CUX2: variants seen among roughly 807,000 people sequenced by gnomAD.
CUX2 encodes cut like homeobox 2, also known as homeobox protein cut-like 2.
A neutral mutation model predicts 144.8 loss-of-function variants in CUX2; 40 were observed. That is an observed-to-expected ratio of 0.28 (90% confidence interval 0.21 to 0.36). CUX2 has a LOEUF of 0.36. CUX2 is among the 10% of genes least tolerant of loss of function. The pLI is 1.00. For missense variants in CUX2, 1,615 were observed against 1,994.0 expected (o/e 0.81, Z 3.62); for synonymous variants, 827 against 875.6 (o/e 0.94, Z 0.98).
chr12:111,334,777 G>T, intron 19 of CUX2, 67 bp downstream of exon 19: 1 of 1,506,496 alleles, frequency 6.6e-7, no homozygotes, highest in South Asian at 1.3e-5. Flanking sequence ...GCCTTGAAAA[G>T]GTGTCTGGAG....
At chr12:111,278,931 C>G (rs914178784) in intron 4 of CUX2, among the ~76,000 whole-genome samples, 1 of 152,182 alleles carries the variant, frequency 6.6e-6, no homozygotes, top group African/African-American at 2.4e-5. Context: ...ATTTTTTCCT[C>G]CCTACCCCAG....
At chr12:111,152,012 C>T (rs1020104369) in intron 1 of CUX2, among the ~76,000 whole-genome samples, 7 of 152,164 alleles carry the variant, frequency 4.6e-5, no homozygotes, top group East Asian at 3.9e-4. Flanking sequence ...AAGGCCGGTG[C>T]GATGGCTCAC....
chr12:111,304,082 G>C lies in CUX2; in HGVS notation c.754-128G>C, dbSNP rs1886455008. 2 of 683,526 alleles carry C rather than the reference G, an allele frequency of 2.9e-6. No homozygotes were observed. Among genetic ancestry groups the C allele is most frequent in the Non-Finnish European group, 2.6e-6 (1 of 388,760 alleles). 42.3% of individuals were successfully genotyped at this position (683,526 alleles called of 1,614,324 possible). On this transcript the variant is annotated intron_variant, in intron 9 of 21. Coordinates refer to ENST00000261726, the MANE Select transcript of CUX2 (RefSeq NM_015267.4). The surrounding 1 kb of genome is among the most constrained non-coding windows in gnomAD (Gnocchi z 4.7). Reference sequence around the variant, plus strand: ...CTTCATAGCTCCAGGACAGGGTCCGGGACTAGGAAGGCAGGACCTGAGGCC... The same window carrying C: ...CTTCATAGCTCCAGGACAGGGTCCGCGACTAGGAAGGCAGGACCTGAGGCC...
intron 1 of CUX2, among the ~76,000 whole-genome samples, chr12:111,201,834 A>C (rs1394001150): frequency 6.6e-6 from 1 of 152,222 alleles, no homozygotes; most frequent in Non-Finnish European, 1.5e-5. Flanking sequence ...AAAGTGGCAG[A>C]CTTCAGAGAG....
chr12:111,123,123 A>C (rs1874795345), intron 1 of CUX2, among the ~76,000 whole-genome samples: 1 of 152,206 alleles, frequency 6.6e-6, no homozygotes, highest in African/African-American at 2.4e-5. Context: ...AGGGACTCAG[A>C]AAACTCAATA....
At position 111,214,188 on chromosome 12, in the gene CUX2, TTA is replaced by T. The variant is rs1491513329; in HGVS notation, c.64-10_64-9del. 17 of 1,435,946 alleles carry T rather than the reference TTA, an allele frequency of 1.2e-5. No individual in the cohort carries two copies. The highest frequency in any genetic ancestry group is 2.4e-5 in the Admixed American group (1 of 41,280). The allele number at this position is 1,435,946 out of a possible 1,614,324, so 89.0% of individuals were successfully genotyped here. On this transcript the variant is annotated splice_polypyrimidine_tract_variant and intron_variant, in intron 1 of 21. Transcript: ENST00000261726. ...CTCTCTCTCTCTTTTTTTTTTTTTTTTATTGTTCCAGAAGGAGCTTAATTCCG... is the reference window on the plus strand; with the variant it reads ...CTCTCTCTCTCTTTTTTTTTTTTTTTTTGTTCCAGAAGGAGCTTAATTCCG...
intron 3 of CUX2, among the ~76,000 whole-genome samples, chr12:111,243,313 T>G (rs916769070): frequency 1.3e-5 from 2 of 152,018 alleles, no homozygotes; most frequent in African/African-American, 4.8e-5. Context: ...TAGTATATAT[T>G]TCTGAAAAAA....
intron 3 of CUX2, among the ~76,000 whole-genome samples, chr12:111,238,944 C>T (rs1481976096): frequency 6.6e-6 from 1 of 152,192 alleles, no homozygotes; most frequent in African/African-American, 2.4e-5. Flanking sequence ...ACTCGGGAGG[C>T]TGAGGCTTGA....
chr12:111,323,650 G>A (rs12311597), intron 18 of CUX2, among the ~76,000 whole-genome samples: 5,362 of 152,012 alleles, frequency 0.035, 143 homozygotes, highest in African/African-American at 0.064. Flanking sequence ...ATAATCAGTT[G>A]GAATGGTACG....
chr12:111,111,505 T>C (rs1429990721), intron 1 of CUX2, among the ~76,000 whole-genome samples: 1 of 152,232 alleles, frequency 6.6e-6, no homozygotes, highest in African/African-American at 2.4e-5. Context: ...CAGTTGAAGA[T>C]GTCCATCAAA....
chr12:111,145,773 TCTC>T (rs1341282943), intron 1 of CUX2, among the ~76,000 whole-genome samples: 1 of 151,360 alleles, frequency 6.6e-6, no homozygotes, highest in African/African-American at 2.4e-5. Context: ...TTCAAGCAAT[TCTC>T]CTGCCTCAGC....
At chr12:111,104,833 G>A (rs921653157) in intron 1 of CUX2, among the ~76,000 whole-genome samples, 2 of 152,172 alleles carry the variant, frequency 1.3e-5, no homozygotes, top group African/African-American at 4.8e-5. Context: ...CCCACCTGGT[G>A]ACCTTGACGC....
chr12:111,105,334 G>A (rs980650781), intron 1 of CUX2, among the ~76,000 whole-genome samples: 2 of 152,260 alleles, frequency 1.3e-5, no homozygotes, highest in Non-Finnish European at 2.9e-5. Context: ...TCGGGGGCCC[G>A]ATGCTGGTTG....
chr12:111,099,258 GTGGGCTTTGTGCAAATCAC>G (rs1873038594), intron 1 of CUX2, among the ~76,000 whole-genome samples: 1 of 152,234 alleles, frequency 6.6e-6, no homozygotes, highest in Admixed American at 6.5e-5. Context: ...AGGCTCGGAG[GTGGGCTTTGTGCAAATCAC>G]TGTTCAGAGT....
chr12:111,175,306 A>T (rs1227189118), intron 1 of CUX2, among the ~76,000 whole-genome samples: 2 of 149,226 alleles, frequency 1.3e-5, no homozygotes, highest in African/African-American at 4.9e-5. Context: ...TTAAACATTT[A>T]AGGTTTTTTT....
chr12:111,296,172 A>G (rs946991976), intron 7 of CUX2, among the ~76,000 whole-genome samples: 1 of 151,938 alleles, frequency 6.6e-6, no homozygotes, highest in Non-Finnish European at 1.5e-5. Flanking sequence ...AGACAGCACC[A>G]CGCCTCCACC....
chr12:111,348,500 G>A lies in CUX2; in HGVS notation c.*175G>A, dbSNP rs1038430527. ...CTAGTTCTATGAAGCTGTGTGAGCA[G>A]GTGGGTCAAATGCCATTGCCTCCAC... is the stretch of plus-strand genomic sequence containing the variant. On this transcript the variant is annotated 3_prime_UTR_variant, in exon 22 of 22. Transcript: ENST00000261726. 1.5e-6 allele frequency: 1 copy of A among 674,994 alleles called. No individual in the cohort carries two copies. The highest frequency in any genetic ancestry group is 2.4e-6 in the Non-Finnish European group (1 of 409,494). 41.8% of individuals were successfully genotyped at this position (674,994 alleles called of 1,614,324 possible).
At chr12:111,221,769 G>T (rs965447290) in intron 3 of CUX2, among the ~76,000 whole-genome samples, 1 of 151,740 alleles carries the variant, frequency 6.6e-6, no homozygotes, top group Non-Finnish European at 1.5e-5. Flanking sequence ...ATATGTGTGG[G>T]TCTCTTTTCT....
At chr12:111,154,481 C>T (rs1330361460) in intron 1 of CUX2, among the ~76,000 whole-genome samples, 1 of 152,156 alleles carries the variant, frequency 6.6e-6, no homozygotes, top group Non-Finnish European at 1.5e-5. Context: ...CCAGCCGGGC[C>T]ACCTTTTTGA....
Sources: allele counts gnomAD v4.1 joint callset (sites outside exome capture counted in the v4.1 genomes callset), GRCh38; gene constraint gnomAD v4.1.1; non-coding constraint Gnocchi (gnomAD v3.1); transcripts MANE v1.5; gene names NCBI Gene and HGNC (gene_info 2026-07-23, HGNC 2026-07-21).